PRDM15: variants seen among roughly 807,000 people sequenced by gnomAD.
PRDM15 encodes PR/SET domain 15.
In PRDM15, 64 loss-of-function variants were observed where a neutral mutation model predicts 128.6. That is an observed-to-expected ratio of 0.50 (90% confidence interval 0.41 to 0.61). The LOEUF is 0.61. PRDM15 is among the 20% of genes least tolerant of loss of function. The pLI, the probability that PRDM15 is intolerant of heterozygous loss-of-function variation, is 0.00. For synonymous variants in PRDM15, 615 were observed against 621.8 expected (o/e 0.99, Z 0.16); for missense variants, 1,242 against 1,569.1 (o/e 0.79, Z 3.52).
intron 1 of PRDM15, chr21:41,871,561 C>A (rs1429396867): frequency 1.2e-6 from 2 of 1,612,518 alleles, no homozygotes; most frequent in Admixed American, 3.3e-5. Context: ...TGTCGGACAC[C>A]TCATTCCCTA....
intron 7 of PRDM15, among the ~76,000 whole-genome samples, chr21:41,838,513 A>G (rs917484185): frequency 2.6e-5 from 4 of 152,368 alleles, no homozygotes; most frequent in African/African-American, 9.6e-5. Context: ...ATCATCGCCA[A>G]TACTGGAGAC....
intron 13 of PRDM15, among the ~76,000 whole-genome samples, chr21:41,825,030 C>T (rs925489841): frequency 5.3e-5 from 8 of 152,304 alleles, no homozygotes; most frequent in Admixed American, 2.6e-4. Flanking sequence ...CTCCCCTCGG[C>T]GGCTCCTAAA....
chr21:41,874,862 C>T (rs2064354570), intron 1 of PRDM15: 2 of 152,168 alleles, frequency 1.3e-5, no homozygotes. Context: ...ATAAAAGCAT[C>T]CTCTCTGAGA....
At chr21:41,861,088 A>T (rs1407163762) in intron 1 of PRDM15, among the ~76,000 whole-genome samples, 1 of 152,056 alleles carries the variant, frequency 6.6e-6, no homozygotes, top group Non-Finnish European at 1.5e-5. Context: ...CTCCTACCTC[A>T]GCCTCCCAAA....
At chr21:41,809,468 T>G (rs942410546) in intron 21 of PRDM15, among the ~76,000 whole-genome samples, 1 of 152,158 alleles carries the variant, frequency 6.6e-6, no homozygotes, top group Non-Finnish European at 1.5e-5. Flanking sequence ...CTTAACCTCG[T>G]GATCCACTCG....
In PRDM15 at chr21:41,801,452, G is replaced by A. The variant is rs1318886245; in HGVS notation, c.3214C>T (p.Pro1072Ser). The part of the protein sequence containing the change: ...QIHPQPEASN[P>S]QSVAHFINLT... ...TTGATGAAATGGGCCACAGACTGTG[G>A]GTTCGAGGCTTCCGGCTGGGGGTGG... Residue 1072 changes from proline to serine, a missense_variant, in exon 24 of 24, where the codon CCA becomes TCA. Coordinates refer to ENST00000398548, the MANE Select transcript of PRDM15 (RefSeq NM_001040424.3). 1.2e-6 allele frequency: 2 copies of A among 1,614,232 alleles called. No individual in the cohort carries two copies. Among genetic ancestry groups the A allele is most frequent in the Non-Finnish European group, 1.7e-6 (2 of 1,180,042 alleles).
chr21:41,867,486 G>A lies in PRDM15; in HGVS notation c.-9-7114C>T, dbSNP rs190713117. 3.5e-4 allele frequency: 302 copies of A among 866,676 alleles called. No individual in the cohort carries two copies. The African/African-American group carries it at 4.2e-3, about 12-fold the overall frequency. 53.7% of individuals were successfully genotyped at this position (866,676 alleles called of 1,614,324 possible). On this transcript the variant is annotated intron_variant, in intron 1 of 23. Coordinates refer to ENST00000398548, the MANE Select transcript of PRDM15 (RefSeq NM_001040424.3). ...CTCACTATGTTGCCCAGGCTGGAGC[G>A]CAGTGGTTTTTCACAGGCGTGAACA...
chr21:41,843,968 A>AG (rs1555883692), intron 6 of PRDM15, among the ~76,000 whole-genome samples: 90 of 150,986 alleles, frequency 6.0e-4, no homozygotes, highest in Non-Finnish European at 9.6e-4. Context: ...AAAAAAAAAA[A>AG]AAAGAAAGAA....
At chr21:41,819,795 C>T in intron 17 of PRDM15, 94 bp from the exon 18 acceptor site, 2 of 1,485,324 alleles carry the variant, frequency 1.3e-6, no homozygotes, top group East Asian at 2.5e-5. Context: ...CCAGCCTCCC[C>T]AGCAGCTAGA....
intron 6 of PRDM15, among the ~76,000 whole-genome samples, chr21:41,840,699 G>T (rs910832130): frequency 6.6e-6 from 1 of 151,612 alleles, no homozygotes; most frequent in African/African-American, 2.4e-5. Flanking sequence ...ACAAACTCAA[G>T]AAGAATGGAA....
At chr21:41,861,747 T>C (rs1427286981) in intron 1 of PRDM15, 1 of 1,613,742 alleles carries the variant, frequency 6.2e-7, no homozygotes. Context: ...ACTGAACTTG[T>C]GTGTCTGAGA....
chr21:41,852,831 C>T (rs1285299551), intron 5 of PRDM15, among the ~76,000 whole-genome samples: 2 of 152,198 alleles, frequency 1.3e-5, no homozygotes, highest in Non-Finnish European at 2.9e-5. Context: ...CCACCTACCA[C>T]CTTTGGGAGA....
intron 1 of PRDM15, chr21:41,877,746 AATTT>A (rs1280926204): frequency 2.0e-5 from 3 of 152,206 alleles, no homozygotes; most frequent in African/African-American, 7.2e-5. Flanking sequence ...TTGATTTTTA[AATTT>A]ATTTATTTGT....
intron 11 of PRDM15, chr21:41,834,693 G>C: frequency 1.4e-6 from 1 of 706,338 alleles, no homozygotes; most frequent in Non-Finnish European, 2.5e-6. Context: ...ACATCCCAGA[G>C]GGTGCACGTC....
At position 41,828,722 on chromosome 21, in the gene PRDM15, C is replaced by T. The variant is rs764663309; in HGVS notation, c.1367-389G>A. 2.0e-5 allele frequency among the ~76,000 whole-genome samples: 3 copies of T among 150,762 alleles called. No individual in the cohort carries two copies. Among genetic ancestry groups the T allele is most frequent in the Non-Finnish European group, 4.4e-5 (3 of 67,910 alleles). ...ATGACTGACTGACAGATAGAATGAC[C>T]TACCTACCAACCAACCAACCAACCA... On this transcript the variant is annotated intron_variant, in intron 11 of 23. Transcript: ENST00000398548. This position sits in a 1 kb window ranked among gnomAD's most constrained non-coding sequence, Gnocchi z 5.7.
At chr21:41,847,223 C>T (rs901865361) in intron 5 of PRDM15, 32 bp from the exon 6 acceptor site, 7 of 1,464,856 alleles carry the variant, frequency 4.8e-6, no homozygotes, top group African/African-American at 1.4e-5. Context: ...AAAAAGGTGA[C>T]CCCCAAGCAG....
Position 41,859,780 on chromosome 21 carries a change from AC to A in PRDM15, c.38-96del. On this transcript the variant is annotated intron_variant, in intron 2 of 23. Transcript: ENST00000398548. The surrounding 1 kb of genome is among the most constrained non-coding windows in gnomAD (Gnocchi z 5.3). ...TGGGGACCCTGGCCCCATGAGGGTG[AC>A]CCAGAGTCATGAGACACATGCATGC... The A allele has an allele frequency of 2.0e-6, 2 of 985,320 alleles. No individual in the cohort carries two copies. The highest frequency in any genetic ancestry group is 1.6e-6 in the Non-Finnish European group (1 of 641,270). 61.0% of individuals were successfully genotyped at this position (985,320 alleles called of 1,614,324 possible).
At chr21:41,876,356 T>C (rs1425648845) in intron 1 of PRDM15, among the ~76,000 whole-genome samples, 2 of 152,178 alleles carry the variant, frequency 1.3e-5, no homozygotes, top group East Asian at 3.9e-4. Context: ...GAGAAGCTGG[T>C]TCCAGAAATA....
In PRDM15 at chr21:41,879,031, C is replaced by T; in HGVS notation, c.-10+239G>A. On this transcript the variant is annotated intron_variant, in intron 1 of 23. Coordinates refer to ENST00000398548, the MANE Select transcript of PRDM15 (RefSeq NM_001040424.3). The surrounding 1 kb of genome is among the most constrained non-coding windows in gnomAD (Gnocchi z 5.1). ...GGCGGCGCGCAGGGCGATCCCGGAG[C>T]GGCTCCGGGAAATCCAGCCGGGTTT... 2 of 1,093,300 alleles carry T rather than the reference C, an allele frequency of 1.8e-6. No individual in the cohort carries two copies. Among genetic ancestry groups the T allele is most frequent in the Non-Finnish European group, 2.3e-6 (2 of 879,978 alleles). The allele number at this position is 1,093,300 out of a possible 1,614,324, so 67.7% of individuals were successfully genotyped here. A position where few individuals can be genotyped will look rare whatever the true frequency, so the allele number is the denominator to read the frequency against.
Sources: allele counts gnomAD v4.1 joint callset (sites outside exome capture counted in the v4.1 genomes callset), GRCh38; gene constraint gnomAD v4.1.1; non-coding constraint Gnocchi (gnomAD v3.1); transcripts MANE v1.5; gene names NCBI Gene and HGNC (gene_info 2026-07-23, HGNC 2026-07-21).